Variants in PDIA6 observed in about 807,000 individuals in gnomAD.
The protein encoded by PDIA6 is protein disulfide-isomerase A6.
In PDIA6, 29 loss-of-function variants were observed where a neutral mutation model predicts 58.4. That is an observed-to-expected ratio of 0.50 (90% CI 0.37 to 0.68). PDIA6 has a LOEUF of 0.68. Ranked by LOEUF, PDIA6 falls within the 30% of genes least tolerant of loss-of-function variation. The pLI, the probability that PDIA6 is intolerant of heterozygous loss-of-function variation, is 0.00. For synonymous variants in PDIA6, 192 were observed against 202.6 expected (o/e 0.95, Z 0.44); for missense variants, 480 against 551.0 (o/e 0.87, Z 1.29).
At chr2:10,812,829 C>A, upstream of PDIA6, 3 of 1,177,450 alleles carry the variant, frequency 2.5e-6, no homozygotes, top group Non-Finnish European at 3.1e-6. Flanking sequence ...CGCGCGGGGG[C>A]GGGCCGGAAG....
chr2:10,825,329 T>G lies in PDIA6; in HGVS notation c.-47-5975A>C, dbSNP rs554126398. The stretch of plus-strand genomic sequence containing the variant: ...CTGTATATATATATCCTATTAGTTC[T>G]GTCCCTCTAGAGAATCCTGACTAAT... On this transcript the variant is annotated intron_variant, in intron 1 of 13. Transcript: ENST00000381611. Among the ~76,000 whole-genome samples, 9 of 152,302 alleles carry G rather than the reference T, an allele frequency of 5.9e-5. No individual in the cohort carries two copies. The South Asian group carries it at 1.9e-3, about 32-fold the overall frequency.
At chr2:10,788,662 C>G in intron 10 of PDIA6, 35 bp downstream of exon 10, 2 of 1,405,778 alleles carry the variant, frequency 1.4e-6, no homozygotes, top group Non-Finnish European at 2.0e-6. Flanking sequence ...ATCAGCTGTT[C>G]AGATGACACT....
At chr2:10,795,680 T>G (rs1481345261) in intron 4 of PDIA6, among the ~76,000 whole-genome samples, 3 of 152,144 alleles carry the variant, frequency 2.0e-5, no homozygotes, top group Non-Finnish European at 4.4e-5. Flanking sequence ...GACGCTGGAG[T>G]ATGGAGAGGC....
chr2:10,819,541 G>A (rs1479741269), intron 1 of PDIA6, among the ~76,000 whole-genome samples: 1 of 152,236 alleles, frequency 6.6e-6, no homozygotes, highest in South Asian at 2.1e-4. Context: ...TATAAACTGT[G>A]CTATTTGAGA....
At chr2:10,832,365 A>C in exon 1 of PDIA6, 1 of 961,122 alleles carries the variant, frequency 1.0e-6, no homozygotes, top group Non-Finnish European at 1.2e-6. Flanking sequence ...AGAATGAGCA[A>C]ACTGCAGCTG....
At chr2:10,807,541 C>T (rs1465047959) in intron 1 of PDIA6, among the ~76,000 whole-genome samples, 1 of 152,232 alleles carries the variant, frequency 6.6e-6, no homozygotes, top group East Asian at 1.9e-4. Flanking sequence ...GTCTTTTCAG[C>T]ATCTCTGAAG....
At chr2:10,811,489 C>A (rs890214709) in intron 1 of PDIA6, among the ~76,000 whole-genome samples, 2 of 143,318 alleles carry the variant, frequency 1.4e-5, no homozygotes, top group Non-Finnish European at 3.1e-5. Flanking sequence ...AGAGCAAGAC[C>A]GTGTCTCAAA....
intron 1 of PDIA6, among the ~76,000 whole-genome samples, chr2:10,825,772 A>G (rs1021901207): frequency 6.6e-6 from 1 of 152,238 alleles, no homozygotes; most frequent in Non-Finnish European, 1.5e-5. Flanking sequence ...CAAAACCACA[A>G]TGAGAAATAA....
intron 1 of PDIA6, among the ~76,000 whole-genome samples, chr2:10,828,435 G>A (rs13432791): frequency 0.02 from 3,064 of 152,278 alleles, 122 homozygotes; most frequent in African/African-American, 0.07. Context: ...GCACAGCCTG[G>A]AGCACCCTGT....
chr2:10,795,783 T>C (rs978546478), intron 4 of PDIA6, among the ~76,000 whole-genome samples: 25 of 152,156 alleles, frequency 1.6e-4, no homozygotes, highest in African/African-American at 6.0e-4. Context: ...TTCTATTAGC[T>C]GGACTCAGGC....
chr2:10,787,985 G>A (rs1235182597), intron 10 of PDIA6, among the ~76,000 whole-genome samples: 4 of 151,224 alleles, frequency 2.6e-5, no homozygotes, highest in Non-Finnish European at 5.9e-5. Flanking sequence ...AGGATCTTTT[G>A]AACCCGGGAG....
chr2:10,832,465 T>G, exon 1 of PDIA6: 1 of 985,204 alleles, frequency 1.0e-6, no homozygotes, highest in Non-Finnish European at 1.2e-6. Context: ...AGACCTAACC[T>G]TGCAGCGGGC....
chr2:10,793,140 C>A lies in PDIA6; in HGVS notation c.409G>T (p.Asp137Tyr), dbSNP rs765433049. Residue 137 changes from aspartate (D) to tyrosine (Y), a missense_variant, in exon 5 of 13, where the codon GAT becomes TAT. By Grantham distance (160) the Asp-to-Tyr change is radical (BLOSUM62 -3). Transcript: ENST00000272227. The part of the protein sequence containing the change: ...ALSALRQLVK[D>Y]RLGGRSGGYS... ...CCTCCGCTCCGTCCCCCGAGGCGAT[C>A]CTTCACGAGCTGGCGCAGAGCACTC... is the stretch of plus-strand genomic sequence containing the variant. The A allele has an allele frequency of 1.2e-6, 2 of 1,614,174 alleles. No homozygotes were observed. Among genetic ancestry groups the A allele is most frequent in the Non-Finnish European group, 1.7e-6 (2 of 1,179,996 alleles).
In PDIA6 at chr2:10,797,208, C is replaced by T; in HGVS notation, c.220-1G>A. ...CAACTGCACCAACTTTGACAACATC[C>T]TGTGGAAATGTAAAAGAAATAACAA... On this transcript the variant is annotated splice_acceptor_variant, in intron 3 of 12. Coordinates refer to ENST00000272227, the MANE Select transcript of PDIA6 (RefSeq NM_005742.4). LOFTEE classifies it high-confidence loss of function. The T allele has an allele frequency of 6.2e-7, 1 of 1,604,846 alleles. No homozygotes were observed. The highest frequency in any genetic ancestry group is 8.5e-7 in the Non-Finnish European group (1 of 1,177,156).
At position 10,812,681 on chromosome 2, in the gene PDIA6, G is replaced by A. The variant is rs1167950324; in HGVS notation, c.16C>T (p.Leu6Phe). The A allele has an allele frequency of 1.3e-6, 2 of 1,534,984 alleles. No homozygotes were observed. Among genetic ancestry groups the A allele is most frequent in the South Asian group, 2.4e-5 (2 of 84,484 alleles). Residue 6 changes from leucine (L) to phenylalanine (F), a missense_variant, in exon 1 of 13, where the codon CTC becomes TTC. Transcript: ENST00000272227. MALLV[L>F]GLVSCTFFLA... ...CCCTCCGCTGGCCCGCACCTACCGA[G>A]CACCAGGAGAGCCATGCCGAGCGCC...
At chr2:10,791,435 C>T (rs555613964) in intron 6 of PDIA6, among the ~76,000 whole-genome samples, 7 of 152,326 alleles carry the variant, frequency 4.6e-5, no homozygotes, top group African/African-American at 1.7e-4. Context: ...TGTGAGCCAC[C>T]ATGCCTAGCC....
chr2:10,784,658 G>T (rs576899761), intron 12 of PDIA6: 1 of 506,846 alleles, frequency 2.0e-6, no homozygotes, highest in South Asian at 3.2e-5. Flanking sequence ...TAAAGTAAAT[G>T]AATTCCAGGT....
intron 4 of PDIA6, among the ~76,000 whole-genome samples, chr2:10,796,853 C>T (rs1686445): frequency 0.49 from 74,228 of 152,022 alleles, 19,662 homozygotes; most frequent in South Asian, 0.58. Flanking sequence ...CTATCATTGC[C>T]AATGTAGCAT....
At position 10,790,040 on chromosome 2, in the gene PDIA6, G is replaced by A. The variant is rs1349555566; in HGVS notation, c.700-151C>T. ...GTTGCCCAGGCTGGAGAGCACAGGT[G>A]CAATCTCAGCTCACTGCAACCTCTG... On this transcript the variant is annotated intron_variant, in intron 7 of 12. Transcript: ENST00000272227. 4.8e-6 allele frequency: 3 copies of A among 619,712 alleles called. No individual in the cohort carries two copies. The East Asian group carries it at 9.0e-5, about 19-fold the overall frequency. 38.4% of individuals were successfully genotyped at this position (619,712 alleles called of 1,614,324 possible).
Sources: allele counts gnomAD v4.1 joint callset (sites outside exome capture counted in the v4.1 genomes callset), GRCh38; gene constraint gnomAD v4.1.1; transcripts MANE v1.5; gene names NCBI Gene and HGNC (gene_info 2026-07-23, HGNC 2026-07-21).